RYR2: variants seen among roughly 807,000 people sequenced by gnomAD.
The protein encoded by RYR2 is ryanodine receptor 2.
RYR2 carries 227 observed loss-of-function variants against 601.1 expected under a neutral mutation model. The observed-to-expected ratio is 0.38, with a 90% CI of 0.34 to 0.42. RYR2 has a LOEUF of 0.42. Among genes scored for constraint, RYR2 ranks in the 10% least tolerant of loss-of-function variants. The probability of loss-of-function intolerance (pLI) is 1.00; values close to 1 mark genes in which losing one functional copy is unlikely to be tolerated. For missense variants in RYR2, 4,646 were observed against 6,156.5 expected (o/e 0.75, Z 8.21); for synonymous variants, 2,223 against 2,175.1 (o/e 1.02, Z -0.61).
intron 74 of RYR2, among the ~76,000 whole-genome samples, chr1:237,725,603 T>C (rs1402440826): frequency 6.6e-6 from 1 of 152,124 alleles, no homozygotes; most frequent in Non-Finnish European, 1.5e-5. Flanking sequence ...CATCAGCACA[T>C]CAAGACATTC....
chr1:237,441,115 G>T (rs189887936), intron 12 of RYR2, among the ~76,000 whole-genome samples: 7 of 152,170 alleles, frequency 4.6e-5, no homozygotes, highest in Admixed American at 4.6e-4. Flanking sequence ...TTACATTATG[G>T]CAAAAATAGT....
At chr1:237,223,745 C>T (rs1009940922) in intron 1 of RYR2, among the ~76,000 whole-genome samples, 3 of 152,116 alleles carry the variant, frequency 2.0e-5, no homozygotes, top group Non-Finnish European at 2.9e-5. Context: ...ACCAGTCTAT[C>T]GGGCAGTTTA....
At chr1:237,318,960 T>G (rs1695360990) in intron 2 of RYR2, among the ~76,000 whole-genome samples, 1 of 152,306 alleles carries the variant, frequency 6.6e-6, no homozygotes, top group South Asian at 2.1e-4. Context: ...ATTGATGTAC[T>G]TGACGTTATT....
intron 100 of RYR2, among the ~76,000 whole-genome samples, chr1:237,818,282 G>A (rs1196426548): frequency 6.6e-6 from 1 of 152,110 alleles, no homozygotes; most frequent in Non-Finnish European, 1.5e-5. Flanking sequence ...GGTATCTAAG[G>A]GGTAGAGATC....
At chr1:237,129,750 A>G (rs1671951076) in intron 1 of RYR2, among the ~76,000 whole-genome samples, 1 of 151,534 alleles carries the variant, frequency 6.6e-6, no homozygotes, top group Admixed American at 6.6e-5. Context: ...AATACTATTC[A>G]GCCATAAAAA....
At chr1:237,631,311 T>C (rs1680224654) in intron 41 of RYR2, 116 bp from the exon 42 acceptor site, 7 of 663,360 alleles carry the variant, frequency 1.1e-5, no homozygotes, top group Non-Finnish European at 1.8e-5. Flanking sequence ...TTAAATACTG[T>C]GATTGCTTTT....
intron 1 of RYR2, among the ~76,000 whole-genome samples, chr1:237,261,249 G>T (rs780088368): frequency 2.6e-5 from 4 of 152,154 alleles, no homozygotes; most frequent in Non-Finnish European, 4.4e-5. Flanking sequence ...CTGAATGGTT[G>T]CAGTGACCCC....
At chr1:237,493,488 TGTCGCCCAGGCTGGAGTGCA>T (rs1270132628) in intron 19 of RYR2, among the ~76,000 whole-genome samples, 1 of 152,206 alleles carries the variant, frequency 6.6e-6, no homozygotes, top group East Asian at 1.9e-4. Flanking sequence ...AGTCTCGCTC[TGTCGCCCAGGCTGGAGTGCA>T]GTGGCACGAT....
intron 1 of RYR2, among the ~76,000 whole-genome samples, chr1:237,226,869 A>G (rs1210723874): frequency 6.6e-6 from 1 of 152,120 alleles, no homozygotes; most frequent in Admixed American, 6.6e-5. Context: ...CCCGGGTTCA[A>G]GCGATTCTCC....
chr1:237,502,219 C>T (rs759125490), intron 21 of RYR2, among the ~76,000 whole-genome samples: 1 of 152,028 alleles, frequency 6.6e-6, no homozygotes, highest in Non-Finnish European at 1.5e-5. Context: ...AACCCGAGGG[C>T]CCCAGGAAAT....
chr1:237,648,407 A>G, intron 48 of RYR2, 37 bp from the exon 49 acceptor site: 1 of 1,550,530 alleles, frequency 6.4e-7, no homozygotes, highest in South Asian at 1.2e-5. Flanking sequence ...TGTATATGAC[A>G]CAGCCATTGA....
rs1421320653 is a variant in RYR2 at position 237,614,351 on chromosome 1, T to C, written c.5223T>C (p.Asp1741=). 1 of 1,613,902 alleles carries C rather than the reference T, an allele frequency of 6.2e-7. No individual in the cohort carries two copies. Among genetic ancestry groups the C allele is most frequent in the Non-Finnish European group, 8.5e-7 (1 of 1,179,916 alleles). ...EETKSITLFP[D]ENKKHGLPGI... is the part of the protein sequence containing the mutation. ...CGAAGAGCATCACCCTGTTCCCTGA[T>C]GAGAACAAAAAACACGGCCTTCCAG... The change falls in exon 37 of 105, where the codon GAT becomes GAC. Residue 1741 remains aspartate (D), a synonymous_variant. Coordinates refer to ENST00000366574, the MANE Select transcript of RYR2 (RefSeq NM_001035.3). This position sits in a 1 kb window ranked among gnomAD's most constrained non-coding sequence, Gnocchi z 4.3.
intron 48 of RYR2, among the ~76,000 whole-genome samples, chr1:237,645,455 A>G (rs891606270): frequency 2.0e-4 from 30 of 152,298 alleles, no homozygotes; most frequent in African/African-American, 6.3e-4. Context: ...TCTTTACTCT[A>G]TACTTTGAGC....
Position 237,795,991 on chromosome 1 carries a change from TATAA to T in RYR2, c.13956+663_13956+666del, listed in dbSNP as rs546880467. Among the ~76,000 whole-genome samples the T allele has an allele frequency of 8.3e-4, 124 of 150,076 alleles. 1 individual carries two copies. Among genetic ancestry groups the T allele is most frequent in the African/African-American group, 2.8e-3 (114 of 41,172 alleles). On this transcript the variant is annotated intron_variant, in intron 96 of 104. Transcript: ENST00000366574. ...GTATATGTATATATGTATATACATA[TATAA>T]ATGTGTACATGTACATATATGTATA...
intron 63 of RYR2, among the ~76,000 whole-genome samples, chr1:237,697,887 T>G (rs1034702131): frequency 9.9e-5 from 15 of 152,182 alleles, no homozygotes; most frequent in Non-Finnish European, 1.8e-4. Context: ...AATATTTTCA[T>G]GAATAACTCA....
chr1:237,718,722 G>A (rs2149106208), intron 73 of RYR2, among the ~76,000 whole-genome samples: 1 of 152,202 alleles, frequency 6.6e-6, no homozygotes, highest in Middle Eastern at 3.4e-3. Flanking sequence ...AATTACCAGA[G>A]ATTGTCAAAT....
intron 80 of RYR2, 54 bp downstream of exon 80, chr1:237,742,403 A>T (rs1003383317): frequency 8.2e-7 from 1 of 1,218,160 alleles, no homozygotes; most frequent in Non-Finnish European, 1.2e-6. Context: ...ACATTGTTTC[A>T]TAGCTTATAA....
At chr1:237,508,770 T>G in intron 23 of RYR2, among the ~76,000 whole-genome samples, 1 of 129,746 alleles carries the variant, frequency 7.7e-6, no homozygotes. Flanking sequence ...TGAGACGGAG[T>G]CTTGCTCTGT....
At chr1:237,625,935 G>A in intron 40 of RYR2, 131 bp downstream of exon 40, 1 of 895,570 alleles carries the variant, frequency 1.1e-6, no homozygotes. Flanking sequence ...AGACTCTTAA[G>A]TAGATGCCTG....
Sources: allele counts gnomAD v4.1 joint callset (sites outside exome capture counted in the v4.1 genomes callset), GRCh38; gene constraint gnomAD v4.1.1; non-coding constraint Gnocchi (gnomAD v3.1); transcripts MANE v1.5; gene names NCBI Gene and HGNC (gene_info 2026-07-23, HGNC 2026-07-21).